LTN1: variants seen among roughly 807,000 people sequenced by gnomAD.
The protein encoded by LTN1 is E3 ubiquitin-protein ligase listerin.
A neutral mutation model predicts 201.2 loss-of-function variants in LTN1; 88 were observed. The ratio of observed to expected loss-of-function variants is 0.44; its 90% CI spans 0.37 to 0.52. The LOEUF (loss-of-function observed/expected upper bound fraction) is 0.52. Ranked by LOEUF, LTN1 falls within the 20% of genes least tolerant of loss-of-function variation. The pLI is 0.00. For missense variants in LTN1, 1,752 were observed against 2,038.7 expected (o/e 0.86, Z 2.71); for synonymous variants, 645 against 713.5 (o/e 0.90, Z 1.53).
chr21:28,988,112 A>T (rs1476108102), intron 1 of LTN1, among the ~76,000 whole-genome samples: 2 of 142,198 alleles, frequency 1.4e-5, no homozygotes, highest in Admixed American at 7.4e-5. Flanking sequence ...ATTGCACTCC[A>T]GCCTGGGTGA....
chr21:28,932,769 G>C, intron 27 of LTN1, 105 bp from the exon 28 acceptor site: 1 of 696,694 alleles, frequency 1.4e-6, no homozygotes, highest in Non-Finnish European at 2.4e-6. Flanking sequence ...TTCAAGGACA[G>C]TGCAGGTAAA....
chr21:28,938,464 T>C (rs1005306573), intron 25 of LTN1, among the ~76,000 whole-genome samples: 11 of 152,216 alleles, frequency 7.2e-5, no homozygotes, highest in Non-Finnish European at 1.6e-4. Context: ...TCCAACTTCA[T>C]TGTTTAATTT....
chr21:28,969,999 T>C (rs1417850199), intron 8 of LTN1, among the ~76,000 whole-genome samples: 2 of 152,154 alleles, frequency 1.3e-5, no homozygotes, highest in Admixed American at 1.3e-4. Flanking sequence ...TTTCTATTCA[T>C]GGACCAATCC....
chr21:28,968,458 AC>A (rs1180224757), intron 9 of LTN1, among the ~76,000 whole-genome samples: 11 of 152,204 alleles, frequency 7.2e-5, no homozygotes, highest in Non-Finnish European at 1.5e-4. Flanking sequence ...ATATTCCATA[AC>A]CTTCTCTCAT....
At chr21:28,976,406 C>T (rs952976106) in intron 6 of LTN1, among the ~76,000 whole-genome samples, 13 of 152,010 alleles carry the variant, frequency 8.6e-5, no homozygotes, top group African/African-American at 2.9e-4. Context: ...TCGAGACCAG[C>T]TTGGCCAACA....
At chr21:28,976,137 A>G (rs1393602125) in intron 6 of LTN1, among the ~76,000 whole-genome samples, 1 of 151,938 alleles carries the variant, frequency 6.6e-6, no homozygotes, top group Non-Finnish European at 1.5e-5. Context: ...AAAAAGTTCT[A>G]TTTCTTTATT....
At chr21:28,937,770 G>C (rs898614337) in intron 25 of LTN1, among the ~76,000 whole-genome samples, 2 of 152,044 alleles carry the variant, frequency 1.3e-5, no homozygotes, top group African/African-American at 4.8e-5. Context: ...TCGGATCTGG[G>C]ATGCTCAACC....
At chr21:28,961,604 T>C (rs2084479636) in intron 11 of LTN1, 1 of 154,874 alleles carries the variant, frequency 6.5e-6, no homozygotes, top group African/African-American at 2.4e-5. Flanking sequence ...TATTTAAAAA[T>C]TGTAGGTAAC....
At chr21:28,984,990 T>G in intron 3 of LTN1, 68 bp from the exon 4 acceptor site, 6 of 1,049,508 alleles carry the variant, frequency 5.7e-6, no homozygotes, top group Non-Finnish European at 8.4e-6. Context: ...CATTTCCGGA[T>G]ATGCTATAAT....
Position 28,984,613 on chromosome 21 carries a change from G to A in LTN1, c.576+79C>T, listed in dbSNP as rs553371151. The A allele has an allele frequency of 6.9e-6, 7 of 1,010,768 alleles. No individual in the cohort carries two copies. The South Asian group carries it at 1.1e-4, about 15-fold the overall frequency. 62.6% of individuals were successfully genotyped at this position (1,010,768 alleles called of 1,614,324 possible). A position where few individuals can be genotyped will look rare whatever the true frequency, so the allele number is the denominator to read the frequency against. On this transcript the variant is annotated intron_variant, in intron 4 of 29. Transcript: ENST00000361371. Reference sequence around the variant, plus strand: ...CTTACTCATTCCCCTACAATCCCAAGTAAAAGAGCTGTCATTATGCTTATA... The same window carrying A: ...CTTACTCATTCCCCTACAATCCCAAATAAAAGAGCTGTCATTATGCTTATA...
Position 28,930,278 on chromosome 21 carries a change from G to A in LTN1, c.*170C>T, listed in dbSNP as rs1380657615. On this transcript the variant is annotated 3_prime_UTR_variant, in exon 30 of 30. Transcript: ENST00000361371. Reference sequence around the variant, plus strand: ...CCAAACATTTACAAAGCAATCTAAAGTTAAGTAAACCTGATTTTAGGATTA... The same window carrying A: ...CCAAACATTTACAAAGCAATCTAAAATTAAGTAAACCTGATTTTAGGATTA... 2.3e-5 allele frequency: 10 copies of A among 438,312 alleles called. No homozygotes were observed. Among genetic ancestry groups the A allele is most frequent in the African/African-American group, 4.1e-5 (2 of 49,056 alleles). 27.2% of individuals were successfully genotyped at this position (438,312 alleles called of 1,614,324 possible).
rs776468458 is a variant in LTN1 at position 28,935,102 on chromosome 21, T to C, written c.4875+7A>G. On this transcript the variant is annotated splice_region_variant and intron_variant, in intron 27 of 29. Transcript: ENST00000361371. Reference sequence around the variant, plus strand: ...ACTTTTCTAGAGAAAGTCAAGACAATACTAACCGTCATGCCATTAAATAGT... The same window carrying C: ...ACTTTTCTAGAGAAAGTCAAGACAACACTAACCGTCATGCCATTAAATAGT... 1.3e-5 allele frequency: 21 copies of C among 1,574,706 alleles called. No homozygotes were observed. The highest frequency in any genetic ancestry group is 1.8e-5 in the Non-Finnish European group (21 of 1,145,222).
intron 14 of LTN1, 35 bp from the exon 15 acceptor site, chr21:28,957,511 T>A (rs1251143217): frequency 1.3e-6 from 2 of 1,487,092 alleles, no homozygotes; most frequent in African/African-American, 2.8e-5. Context: ...CTGTTGTAGT[T>A]ACGCTATGAC....
At chr21:28,946,377 T>G (rs2084338374) in intron 19 of LTN1, 90 bp from the exon 20 acceptor site, 8 of 817,778 alleles carry the variant, frequency 9.8e-6, no homozygotes, top group Non-Finnish European at 1.3e-5. Flanking sequence ...GTAAAAGACT[T>G]TCTTGAGAAG....
intron 19 of LTN1, 149 bp downstream of exon 19, chr21:28,947,315 A>T (rs2832143): frequency 0.25 from 138,155 of 560,250 alleles, 18,478 homozygotes; most frequent in Non-Finnish European, 0.27. Context: ...GGTAACAGCC[A>T]CTGTCTAACA....
In LTN1 at chr21:28,966,646, C is replaced by A; in HGVS notation, c.1845G>T (p.Arg615Ser). Residue 615 changes from arginine to serine, a missense_variant, in exon 10 of 30, where the codon AGG becomes AGT. Around this residue, in one of 3 missense-constraint regions of LTN1, gnomAD observed 1,211 missense variants for 1,312.8 expected, o/e 0.92. Transcript: ENST00000361371. ...VNERKSEQHLRFLSTLLDSFS... is the reference protein window; with the variant it reads ...VNERKSEQHLSFLSTLLDSFS... ...AGGAGTCAAGCAGAGTAGAAAGAAA[C>A]CTTAGATGTTGCTCTGACTTTCGTT... 1 of 1,613,926 alleles carries A rather than the reference C, an allele frequency of 6.2e-7. No individual in the cohort carries two copies. The highest frequency in any genetic ancestry group is 1.1e-5 in the South Asian group (1 of 91,054).
Position 28,986,067 on chromosome 21 carries a change from A to C in LTN1, c.345+72T>G, listed in dbSNP as rs2084695948. 2 of 773,296 alleles carry C rather than the reference A, an allele frequency of 2.6e-6. No homozygotes were observed. The highest frequency in any genetic ancestry group is 2.6e-4 in the Middle Eastern group (1 of 3,810). The allele number at this position is 773,296 out of a possible 1,614,324, so 47.9% of individuals were successfully genotyped here. A position where few individuals can be genotyped will look rare whatever the true frequency, so the allele number is the denominator to read the frequency against. On this transcript the variant is annotated intron_variant, in intron 3 of 29. Coordinates refer to ENST00000361371, the MANE Select transcript of LTN1 (RefSeq NM_015565.3). This position sits in a 1 kb window ranked among gnomAD's most constrained non-coding sequence, Gnocchi z 4.1. Reference sequence around the variant, plus strand: ...ACCCTCACCAAAAATCAACATTATAAATTTGAGAGTCTCCATGACTCCAAC... The same window carrying C: ...ACCCTCACCAAAAATCAACATTATACATTTGAGAGTCTCCATGACTCCAAC...
At chr21:28,987,228 T>C (rs2084705337) in intron 1 of LTN1, among the ~76,000 whole-genome samples, 1 of 152,166 alleles carries the variant, frequency 6.6e-6, no homozygotes, top group African/African-American at 2.4e-5. Context: ...CATGACAGAA[T>C]TTTAAAGAAA....
At chr21:28,944,960 G>A (rs984328884) in intron 21 of LTN1, among the ~76,000 whole-genome samples, 5 of 152,132 alleles carry the variant, frequency 3.3e-5, no homozygotes, top group Admixed American at 6.5e-5. Flanking sequence ...AGTGGCTCAT[G>A]CCTGTAATCC....
Sources: gnomAD v4.1 joint callset for allele counts (sites outside exome capture counted in the v4.1 genomes callset) on GRCh38, gnomAD v4.1.1 for gene constraint, gnomAD v4.1.1 regional missense constraint, Gnocchi (gnomAD v3.1) non-coding constraint, MANE v1.5 for transcripts, NCBI Gene and HGNC (gene_info 2026-07-23, HGNC 2026-07-21) for gene names.